The following SLC34A1 variants were observed in gnomAD, a reference collection of about 807,000 sequenced individuals.
SLC34A1 encodes the protein sodium-dependent phosphate transport protein 2A.
Under a neutral mutation model 51.4 loss-of-function variants are expected in SLC34A1, and 57 were observed. The ratio of observed to expected loss-of-function variants is 1.11; its 90% CI spans 0.90 to 1.38. The LOEUF (loss-of-function observed/expected upper bound fraction) is 1.38, where lower values mean the gene tolerates loss of function less well. Among genes scored for constraint, SLC34A1 ranks in the 40% most tolerant of loss-of-function variants. The pLI, the probability that SLC34A1 is intolerant of heterozygous loss-of-function variation, is 0.00. For missense variants in SLC34A1, 796 were observed against 835.6 expected, an observed-to-expected ratio of 0.95 and a Z score of 0.58; for synonymous variants, 368 against 358.0, an observed-to-expected ratio of 1.03 and a Z score of -0.32.
chr5:177,386,820 C>T lies in SLC34A1; in HGVS notation c.532+254C>T, dbSNP rs183650965. ...TAGGCCAGGGCATTGGAAGGGCAGG[C>T]GGGAACTCTCAGGTGGGCGCCGACA... is the stretch of plus-strand genomic sequence containing the variant. On this transcript the variant is annotated intron_variant, in intron 5 of 12. Coordinates refer to ENST00000324417, the MANE Select transcript of SLC34A1 (RefSeq NM_003052.5). This position sits in a 1 kb window ranked among gnomAD's most constrained non-coding sequence, Gnocchi z 4.8. Among the ~76,000 whole-genome samples, 3 of 152,132 alleles carry T rather than the reference C, an allele frequency of 2.0e-5. No homozygotes were observed. The East Asian group carries it at 5.8e-4, about 29-fold the overall frequency.
Position 177,396,793 on chromosome 5 carries a change from T to G in SLC34A1, c.1235T>G (p.Met412Arg), listed in dbSNP as rs760853929. 2 of 1,614,096 alleles carry G rather than the reference T, an allele frequency of 1.2e-6. No homozygotes were observed. The highest frequency in any genetic ancestry group is 4.5e-5 in the East Asian group (2 of 44,892). ...TTTGCCATGGTGGTGGGCGCCAGCA[T>G]GACCTTCGTGGTCCAGAGCAGTTCT... The part of the protein sequence containing the change: ...GYFAMVVGAS[M>R]TFVVQSSSVF... The change falls in exon 11 of 13, where the codon ATG becomes AGG. Residue 412 changes from methionine to arginine, a missense_variant. Coordinates refer to ENST00000324417, the MANE Select transcript of SLC34A1 (RefSeq NM_003052.5). The surrounding 1 kb of genome is among the most constrained non-coding windows in gnomAD (Gnocchi z 4.0).
At position 177,388,082 on chromosome 5, in the gene SLC34A1, C is replaced by T. The variant is rs1157809640; in HGVS notation, c.733C>T (p.His245Tyr). 7 of 1,614,124 alleles carry T rather than the reference C, an allele frequency of 4.3e-6. No homozygotes were observed. The African/African-American group carries it at 8.0e-5, about 18-fold the overall frequency. The change falls in exon 7 of 13, where the codon CAC (histidine) becomes TAC (tyrosine). Residue 245 changes from histidine to tyrosine, a missense_variant. Transcript: ENST00000324417. This position sits in a 1 kb window ranked among gnomAD's most constrained non-coding sequence, Gnocchi z 4.3. ...CCTGGAGGCTGCCACTGGCTACCTG[C>T]ACCACATCACTCGACTTGTGGTGGC... ...LPLEAATGYL[H>Y]HITRLVVASF...
intron 8 of SLC34A1, chr5:177,390,079 C>T: frequency 8.8e-7 from 1 of 1,133,708 alleles, no homozygotes; most frequent in East Asian, 5.8e-5. Flanking sequence ...CGTCCTGGCT[C>T]TTCCTGCCCA....
Position 177,393,803 on chromosome 5 carries a change from G to A in SLC34A1, c.1006+40G>A, listed in dbSNP as rs754841015. On this transcript the variant is annotated intron_variant, in intron 9 of 12. Coordinates refer to ENST00000324417, the MANE Select transcript of SLC34A1 (RefSeq NM_003052.5). Reference sequence around the variant, plus strand: ...CATGGGAGGTGTCCTGCATGGCAGGGGCAGAGCCTAGCAGTGGCAGGGCAA... The same window carrying A: ...CATGGGAGGTGTCCTGCATGGCAGGAGCAGAGCCTAGCAGTGGCAGGGCAA... 5.0e-6 allele frequency: 8 copies of A among 1,603,358 alleles called. No individual in the cohort carries two copies. In the Admixed American group the frequency reaches 1.3e-4, roughly 27 times the overall value.
chr5:177,393,090 C>T (rs965837703), intron 8 of SLC34A1, among the ~76,000 whole-genome samples: 2 of 152,172 alleles, frequency 1.3e-5, no homozygotes, highest in African/African-American at 2.4e-5. Flanking sequence ...ACACACAGCC[C>T]GAGCTGCTCA....
intron 8 of SLC34A1, among the ~76,000 whole-genome samples, chr5:177,391,872 C>A (rs1157684835): frequency 6.6e-6 from 1 of 152,186 alleles, no homozygotes; most frequent in Non-Finnish European, 1.5e-5. Context: ...GCATGGCTTA[C>A]CCAGGGTGGT....
chr5:177,393,199 G>T (rs989622122), intron 8 of SLC34A1, among the ~76,000 whole-genome samples: 4 of 152,182 alleles, frequency 2.6e-5, no homozygotes, highest in African/African-American at 9.7e-5. Context: ...AGAGACGTGT[G>T]GGCTGGGCCC....
intron 8 of SLC34A1, among the ~76,000 whole-genome samples, chr5:177,392,624 G>C (rs143970952): frequency 6.6e-6 from 1 of 152,034 alleles, no homozygotes; most frequent in Admixed American, 6.6e-5. Context: ...TGTTGCTTTC[G>C]GGAGTTTTTC....
At chr5:177,395,250 A>G (rs1160854614) in intron 10 of SLC34A1, among the ~76,000 whole-genome samples, 1 of 152,226 alleles carries the variant, frequency 6.6e-6, no homozygotes, top group Non-Finnish European at 1.5e-5. Flanking sequence ...AGAGAGAGGT[A>G]CCTGCCAAGG....
At position 177,393,116 on chromosome 5, in the gene SLC34A1, C is replaced by T. The variant is rs529049297; in HGVS notation, c.937-578C>T. ...GAGCTGCTCACTTAGGTTACCGGCCCGGACCTGTGGCCTTCTGAATTGTAG... is the reference window on the plus strand; with the variant it reads ...GAGCTGCTCACTTAGGTTACCGGCCTGGACCTGTGGCCTTCTGAATTGTAG... On this transcript the variant is annotated intron_variant, in intron 8 of 12. Coordinates refer to ENST00000324417, the MANE Select transcript of SLC34A1 (RefSeq NM_003052.5). 4.0e-3 allele frequency among the ~76,000 whole-genome samples: 616 copies of T among 152,302 alleles called. 2 individuals are homozygous for T. Among genetic ancestry groups the T allele is most frequent in the Non-Finnish European group, 7.0e-3 (479 of 68,020 alleles).
chr5:177,390,704 C>G (rs187863506), intron 8 of SLC34A1, among the ~76,000 whole-genome samples: 58 of 151,986 alleles, frequency 3.8e-4, no homozygotes, highest in Admixed American at 1.2e-3. Context: ...ACAGTGCTCT[C>G]CCTCGGCTTC....
At chr5:177,384,862 CAAAAA>C (rs56057645) in intron 1 of SLC34A1, among the ~76,000 whole-genome samples, 1 of 86,986 alleles carries the variant, frequency 1.1e-5, no homozygotes. Flanking sequence ...AACTCCATCT[CAAAAA>C]AAAAAAAAAA....
At position 177,398,022 on chromosome 5, in the gene SLC34A1, G is replaced by A; in HGVS notation, c.1656G>A (p.Leu552=). The A allele has an allele frequency of 6.2e-7, 1 of 1,614,136 alleles. No individual in the cohort carries two copies. Among genetic ancestry groups the A allele is most frequent in the Non-Finnish European group, 8.5e-7 (1 of 1,180,012 alleles). Residue 552 remains leucine (L), a synonymous_variant, in exon 13 of 13, where the codon CTG becomes CTA. Coordinates refer to ENST00000324417, the MANE Select transcript of SLC34A1 (RefSeq NM_003052.5). This position sits in a 1 kb window ranked among gnomAD's most constrained non-coding sequence, Gnocchi z 4.7. ...TGGGCACGCCCTTCGGGGCCCTGCT[G>A]GCCTTCGTGGTGCTCATCAATGTCC... ...VGVGTPFGAL[L]AFVVLINVLQ... is the part of the protein sequence containing the mutation.
Position 177,398,406 on chromosome 5 carries a change from T to C in SLC34A1, c.*120T>C. 1 of 1,157,734 alleles carries C rather than the reference T, an allele frequency of 8.6e-7. No individual in the cohort carries two copies. Among genetic ancestry groups the C allele is most frequent in the East Asian group, 2.3e-5 (1 of 42,890 alleles). 71.7% of individuals were successfully genotyped at this position (1,157,734 alleles called of 1,614,324 possible). On this transcript the variant is annotated 3_prime_UTR_variant, in exon 13 of 13. Coordinates refer to ENST00000324417, the MANE Select transcript of SLC34A1 (RefSeq NM_003052.5). This position sits in a 1 kb window ranked among gnomAD's most constrained non-coding sequence, Gnocchi z 4.7. ...CACCCTGGGTGCCAGTCTCTCCTTC[T>C]GTAGCTCCGCAAAGCTCTGGGCTTG...
chr5:177,393,825 G>T, intron 9 of SLC34A1, 62 bp downstream of exon 9: 9 of 1,564,192 alleles, frequency 5.8e-6, no homozygotes, highest in Non-Finnish European at 7.9e-6. Flanking sequence ...CAGTGGCAGG[G>T]CAATCCCACA....
rs144273167 is a variant in SLC34A1 at position 177,390,112 on chromosome 5, C to G, written c.936+1740C>G. The stretch of plus-strand genomic sequence containing the variant: ...CCAAAGACGGGCCACAGAGTCTCCC[C>G]GTGCTCCCTTCCAACCTGTTCCCAT... On this transcript the variant is annotated intron_variant, in intron 8 of 12. Transcript: ENST00000324417. The G allele has an allele frequency of 1.4e-5, 15 of 1,087,660 alleles. 1 individual carries two copies. The highest frequency in any genetic ancestry group is 1.5e-5 in the Non-Finnish European group (13 of 891,010). 67.4% of individuals were successfully genotyped at this position (1,087,660 alleles called of 1,614,324 possible).
chr5:177,397,385 T>G, intron 12 of SLC34A1: 1 of 490,008 alleles, frequency 2.0e-6, no homozygotes, highest in South Asian at 2.1e-5. Context: ...ATTGCGGGGG[T>G]CAAGGCCGCA....
At chr5:177,390,209 G>A in intron 8 of SLC34A1, 1 of 996,884 alleles carries the variant, frequency 1.0e-6, no homozygotes, top group Non-Finnish European at 1.2e-6. Flanking sequence ...GCACCAGGGA[G>A]AGGAGGCAAG....
chr5:177,397,208 C>A, intron 12 of SLC34A1, 134 bp downstream of exon 12: 1 of 1,192,544 alleles, frequency 8.4e-7, no homozygotes, highest in Non-Finnish European at 1.2e-6. Flanking sequence ...TCAATGAAAC[C>A]ATTATGGGCA....
Sources: gnomAD v4.1 joint callset for allele counts (sites outside exome capture counted in the v4.1 genomes callset) on GRCh38, gnomAD v4.1.1 for gene constraint, Gnocchi (gnomAD v3.1) non-coding constraint, MANE v1.5 for transcripts, NCBI Gene and HGNC (gene_info 2026-07-23, HGNC 2026-07-21) for gene names.